The following NDUFA5 variants were observed in gnomAD, a reference collection of about 807,000 sequenced individuals.
NDUFA5 encodes NADH:ubiquinone oxidoreductase subunit A5, also known as NADH dehydrogenase [ubiquinone] 1 alpha subcomplex subunit 5.
Under a neutral mutation model 19.8 loss-of-function variants are expected in NDUFA5, and 11 were observed. The ratio of observed to expected loss-of-function variants is 0.56; its 90% confidence interval spans 0.35 to 0.92. The LOEUF is 0.92. Among genes scored for constraint, NDUFA5 ranks in the 40% least tolerant of loss-of-function variants. NDUFA5 has a pLI of 0.01. For missense variants in NDUFA5, 109 were observed against 134.2 expected (o/e 0.81, Z 0.93); for synonymous variants, 47 against 46.8 (o/e 1.00, Z -0.01).
At chr7:123,546,811 T>A (rs748481959) in intron 3 of NDUFA5, 1 of 679,344 alleles carries the variant, frequency 1.5e-6, no homozygotes, top group Admixed American at 2.3e-5. Flanking sequence ...ATTTGCATTA[T>A]GATAGGCTGA....
At chr7:123,555,792 A>G (rs1798515783) in intron 2 of NDUFA5, 2 of 152,266 alleles carry the variant, frequency 1.3e-5, no homozygotes, top group South Asian at 4.1e-4. Context: ...AATCAGTAGA[A>G]TAGTGAACCA....
intron 2 of NDUFA5, among the ~76,000 whole-genome samples, chr7:123,553,066 G>A (rs556675213): frequency 5.1e-4 from 77 of 152,174 alleles, no homozygotes; most frequent in Non-Finnish European, 8.8e-4. Context: ...GTCGCTACCC[G>A]CGAAAAAATA....
At chr7:123,589,949 G>A in the NDUFA5 span, among the ~76,000 whole-genome samples, 9 of 152,098 alleles carry the variant, frequency 5.9e-5, no homozygotes, top group Admixed American at 6.6e-5. Flanking sequence ...GTGTAAAAGC[G>A]TTCCTATTTC....
upstream of NDUFA5, among the ~76,000 whole-genome samples, chr7:123,560,150 G>A (rs1798670796): frequency 6.6e-6 from 1 of 151,994 alleles, no homozygotes; most frequent in African/African-American, 2.4e-5. Context: ...CATGATAAAA[G>A]CACACAACAA....
intron 2 of NDUFA5, chr7:123,555,059 C>G: frequency 6.6e-6 from 1 of 152,190 alleles, no homozygotes; most frequent in Non-Finnish European, 1.5e-5. Context: ...AGCATATATA[C>G]AGTTTGGTAC....
chr7:123,596,335 G>A, the NDUFA5 span: 2 of 152,142 alleles, frequency 1.3e-5, no homozygotes, highest in East Asian at 1.9e-4. Context: ...ATTTAGGCCA[G>A]GTGCAGTGGC....
the NDUFA5 span, among the ~76,000 whole-genome samples, chr7:123,574,898 T>C: frequency 2.0e-5 from 3 of 152,018 alleles, no homozygotes; most frequent in Admixed American, 6.6e-5. Flanking sequence ...TGGATCTACA[T>C]CATACTTGTT....
chr7:123,598,993 G>A, the NDUFA5 span: 2 of 152,068 alleles, frequency 1.3e-5, no homozygotes, highest in Non-Finnish European at 2.9e-5. Context: ...CAAGGTTCTG[G>A]GAAGCATACT....
intron 4 of NDUFA5, among the ~76,000 whole-genome samples, chr7:123,542,528 T>C (rs1797977931): frequency 1.3e-5 from 2 of 152,314 alleles, no homozygotes; most frequent in Admixed American, 1.3e-4. Context: ...GAAGTATGTC[T>C]TTTCATCTAT....
chr7:123,578,688 T>C, the NDUFA5 span, among the ~76,000 whole-genome samples: 2 of 152,070 alleles, frequency 1.3e-5, no homozygotes, highest in South Asian at 4.1e-4. Context: ...TTCAATAGCT[T>C]AGTCTTTTCT....
At chr7:123,560,492 C>T (rs2116229378), upstream of NDUFA5, among the ~76,000 whole-genome samples, 1 of 152,198 alleles carries the variant, frequency 6.6e-6, no homozygotes, top group East Asian at 1.9e-4. Flanking sequence ...TTACATTATA[C>T]GTGATCTATC....
chr7:123,594,816 A>G, the NDUFA5 span, among the ~76,000 whole-genome samples: 3 of 152,202 alleles, frequency 2.0e-5, no homozygotes, highest in South Asian at 6.2e-4. Context: ...TGCTCTCTTC[A>G]GAGCTGTCAG....
At position 123,540,834 on chromosome 7, in the gene NDUFA5, G is replaced by C. The variant is rs1797902623; in HGVS notation, c.*1285C>G. On this transcript the variant is annotated 3_prime_UTR_variant, in exon 5 of 5. Coordinates refer to ENST00000355749, the MANE Select transcript of NDUFA5 (RefSeq NM_005000.5). Reference sequence around the variant, plus strand: ...GCTCTATGAGGGGAGAAATATACTGGAAAGAAGGAAAAATACCATTTTTTT... The same window carrying C: ...GCTCTATGAGGGGAGAAATATACTGCAAAGAAGGAAAAATACCATTTTTTT... 6.6e-6 allele frequency: 1 copy of C among 150,472 alleles called. No homozygotes were observed. The highest frequency in any genetic ancestry group is 2.4e-5 in the African/African-American group (1 of 40,852). 9.3% of individuals were successfully genotyped at this position (150,472 alleles called of 1,614,324 possible).
the NDUFA5 span, chr7:123,567,079 C>G: frequency 1.3e-5 from 2 of 152,146 alleles, no homozygotes; most frequent in African/African-American, 4.8e-5. Flanking sequence ...GCTATTTGAT[C>G]CTGACTAAGG....
Position 123,538,171 on chromosome 7 carries a change from T to C in NDUFA5, c.*3948A>G, listed in dbSNP as rs1335453262. 1 of 152,220 alleles carries C rather than the reference T, an allele frequency of 6.6e-6. No individual in the cohort carries two copies. The highest frequency in any genetic ancestry group is 1.5e-5 in the Non-Finnish European group (1 of 68,034). 9.4% of individuals were successfully genotyped at this position (152,220 alleles called of 1,614,324 possible). A position where few individuals can be genotyped will look rare whatever the true frequency, so the allele number is the denominator to read the frequency against. The stretch of plus-strand genomic sequence containing the variant: ...CCACTATGGTCATGGAAATATATGT[T>C]GATGGTGCCACACTCAGCCTGGATT... On this transcript the variant is annotated 3_prime_UTR_variant, in exon 5 of 5. Transcript: ENST00000355749.
chr7:123,563,050 C>T, the NDUFA5 span, among the ~76,000 whole-genome samples: 446 of 152,240 alleles, frequency 2.9e-3, 12 homozygotes, highest in South Asian at 0.045. Flanking sequence ...ATCCGCCCAC[C>T]TCGGTCTCTG....
chr7:123,546,985 G>A (rs895605540), intron 3 of NDUFA5, among the ~76,000 whole-genome samples: 1 of 152,088 alleles, frequency 6.6e-6, no homozygotes, highest in African/African-American at 2.4e-5. Flanking sequence ...GTCCTTATAA[G>A]AGAGAGGCAG....
chr7:123,551,489 G>A (rs773731072), intron 2 of NDUFA5: 83 of 958,886 alleles, frequency 8.7e-5, no homozygotes, highest in East Asian at 1.2e-4. Flanking sequence ...GATTACAGGC[G>A]TGAGCCCACC....
chr7:123,552,863 C>CA (rs1798404585), intron 2 of NDUFA5, among the ~76,000 whole-genome samples: 1 of 152,130 alleles, frequency 6.6e-6, no homozygotes, highest in South Asian at 2.1e-4. Context: ...AAGCTCTCTT[C>CA]AGCCCACAGC....
Sources: allele counts gnomAD v4.1 joint callset (sites outside exome capture counted in the v4.1 genomes callset), GRCh38; gene constraint gnomAD v4.1.1; transcripts MANE v1.5; gene names NCBI Gene and HGNC (gene_info 2026-07-23, HGNC 2026-07-21).